Variants in CEP112 observed in about 807,000 individuals in gnomAD.
CEP112 encodes the protein centrosomal protein 112.
Under a neutral mutation model 153.0 loss-of-function variants are expected in CEP112, and 127 were observed. That is an observed-to-expected ratio of 0.83 (90% CI 0.72 to 0.96). CEP112 has a LOEUF of 0.96. CEP112 is among the 40% of genes least tolerant of loss of function. The pLI, the probability that CEP112 is intolerant of heterozygous loss-of-function variation, is 0.00. For synonymous variants in CEP112, 358 were observed against 374.4 expected (o/e 0.96, Z 0.51); for missense variants, 1,089 against 1,101.2 (o/e 0.99, Z 0.16).
In CEP112 at chr17:65,841,375, T is replaced by A. The variant is rs79378170; in HGVS notation, c.2394+10429A>T. 8.9e-3 allele frequency among the ~76,000 whole-genome samples: 1,350 copies of A among 152,232 alleles called. 15 individuals carry two copies. The highest frequency in any genetic ancestry group is 0.031 in the African/African-American group (1,281 of 41,576). On this transcript the variant is annotated intron_variant, in intron 21 of 26. Coordinates refer to ENST00000535342, the MANE Select transcript of CEP112 (RefSeq NM_001199165.4). ...ACATGGATAGAATTAGATGTCATTA[T>A]GTTAAGTGAATTAAGCCAGGCACAG...
intron 6 of CEP112, among the ~76,000 whole-genome samples, chr17:66,110,967 G>C (rs1484999530): frequency 2.0e-5 from 3 of 151,984 alleles, no homozygotes; most frequent in Non-Finnish European, 4.4e-5. Flanking sequence ...CATCTGACTA[G>C]GGTCTAATAT....
chr17:66,021,615 G>C (rs1472415084), intron 16 of CEP112, among the ~76,000 whole-genome samples: 1 of 152,148 alleles, frequency 6.6e-6, no homozygotes, highest in Non-Finnish European at 1.5e-5. Context: ...AGGCATGTGG[G>C]ACACCCATCA....
At chr17:65,703,502 C>A (rs1027245771) in intron 23 of CEP112, among the ~76,000 whole-genome samples, 2 of 132,788 alleles carry the variant, frequency 1.5e-5, no homozygotes, top group Admixed American at 1.6e-4. Context: ...CAGAGTGAGA[C>A]TCCATCTCAA....
intron 10 of CEP112, among the ~76,000 whole-genome samples, chr17:66,066,539 C>A (rs1377398555): frequency 6.6e-6 from 1 of 150,840 alleles, no homozygotes; most frequent in Non-Finnish European, 1.5e-5. Flanking sequence ...AACCAACCAC[C>A]AGTACTACTC....
intron 21 of CEP112, among the ~76,000 whole-genome samples, chr17:65,794,243 C>T (rs1355836176): frequency 6.6e-6 from 1 of 152,140 alleles, no homozygotes; most frequent in Admixed American, 6.5e-5. Context: ...TCTTTGTACG[C>T]ATCCCCATGA....
At chr17:66,119,107 A>C (rs1416330377) in intron 6 of CEP112, among the ~76,000 whole-genome samples, 1 of 152,114 alleles carries the variant, frequency 6.6e-6, no homozygotes, top group Non-Finnish European at 1.5e-5. Flanking sequence ...AAAACCAACC[A>C]CCACACGTTC....
At position 66,111,463 on chromosome 17, in the gene CEP112, C is replaced by G. The variant is rs1323159193; in HGVS notation, c.643-14831G>C. Among the ~76,000 whole-genome samples the G allele has an allele frequency of 2.0e-5, 3 of 152,118 alleles. No individual in the cohort carries two copies. In the East Asian group the frequency reaches 5.8e-4, roughly 29 times the overall value. On this transcript the variant is annotated intron_variant, in intron 6 of 26. Transcript: ENST00000535342. ...ACATCGAATCAACCTAAATGCCCACCAATGACGGATTGGATAAAGAAAATA... is the reference window on the plus strand; with the variant it reads ...ACATCGAATCAACCTAAATGCCCACGAATGACGGATTGGATAAAGAAAATA...
At chr17:65,976,921 T>C (rs779540258) in intron 17 of CEP112, among the ~76,000 whole-genome samples, 36 of 151,960 alleles carry the variant, frequency 2.4e-4, no homozygotes, top group Non-Finnish European at 5.0e-4. Context: ...GTATTTTTAG[T>C]AGAAACAGGG....
intron 20 of CEP112, among the ~76,000 whole-genome samples, chr17:65,865,090 G>A (rs1351773153): frequency 6.6e-6 from 1 of 151,984 alleles, no homozygotes; most frequent in Non-Finnish European, 1.5e-5. Flanking sequence ...TGCCCAGGCT[G>A]GAGTGCAGTG....
At chr17:65,685,516 G>A (rs1218266570) in intron 24 of CEP112, among the ~76,000 whole-genome samples, 2 of 152,086 alleles carry the variant, frequency 1.3e-5, no homozygotes, top group South Asian at 2.1e-4. Flanking sequence ...TTAGTTGTTC[G>A]ATTGGCTGAT....
chr17:65,712,378 A>T (rs1369201004), intron 23 of CEP112, among the ~76,000 whole-genome samples: 1 of 151,462 alleles, frequency 6.6e-6, no homozygotes, highest in Non-Finnish European at 1.5e-5. Flanking sequence ...CTTCTTTTAG[A>T]TCTCTAAGGA....
intron 11 of CEP112, among the ~76,000 whole-genome samples, chr17:66,057,406 A>ATCTCCATGGGATAGGTAT (rs2066737237): frequency 6.6e-6 from 1 of 152,190 alleles, no homozygotes; most frequent in Non-Finnish European, 1.5e-5. Context: ...TGGGATAGGC[A>ATCTCCATGGGATAGGTAT]TCTCCATGGG....
chr17:65,768,218 G>A (rs6504350), intron 21 of CEP112, among the ~76,000 whole-genome samples: 72,864 of 151,762 alleles, frequency 0.48, 19,153 homozygotes, highest in East Asian at 0.78. Flanking sequence ...AGTAAGCTAG[G>A]GAAAACAAAA....
intron 21 of CEP112, among the ~76,000 whole-genome samples, chr17:65,796,517 A>G (rs1462200524): frequency 1.3e-5 from 2 of 152,182 alleles, no homozygotes; most frequent in African/African-American, 4.8e-5. Context: ...CGTAGAAATC[A>G]GATACTAAAC....
chr17:65,923,667 T>C (rs2060814140), intron 19 of CEP112, among the ~76,000 whole-genome samples: 3 of 152,342 alleles, frequency 2.0e-5, no homozygotes, highest in Non-Finnish European at 2.9e-5. Flanking sequence ...ATTATGAAAT[T>C]TGAAGTAAAA....
At chr17:65,705,815 T>C (rs531139223) in intron 23 of CEP112, among the ~76,000 whole-genome samples, 3 of 152,188 alleles carry the variant, frequency 2.0e-5, no homozygotes, top group Non-Finnish European at 4.4e-5. Flanking sequence ...CATTTTAAAG[T>C]TAATTTGGGA....
In CEP112 at chr17:66,021,047, A is replaced by G. The variant is rs1193498866; in HGVS notation, c.1656+6454T>C. Among the ~76,000 whole-genome samples the G allele has an allele frequency of 6.6e-5, 10 of 152,214 alleles. No individual in the cohort carries two copies. In the East Asian group the frequency reaches 1.9e-3, roughly 29 times the overall value. The stretch of plus-strand genomic sequence containing the variant: ...ATGTCCCTCTGCAATCTACCTGTCT[A>G]CTGAGGAACTGTGCAACCTAGGCCA... On this transcript the variant is annotated intron_variant, in intron 16 of 26. Coordinates refer to ENST00000535342, the MANE Select transcript of CEP112 (RefSeq NM_001199165.4).
intron 4 of CEP112, among the ~76,000 whole-genome samples, chr17:66,146,864 A>G (rs1045909870): frequency 6.6e-6 from 1 of 152,130 alleles, no homozygotes; most frequent in Non-Finnish European, 1.5e-5. Flanking sequence ...AGGGCTGAAT[A>G]TTATTCATTC....
intron 20 of CEP112, among the ~76,000 whole-genome samples, chr17:65,854,970 A>C (rs997009434): frequency 6.6e-5 from 10 of 152,180 alleles, no homozygotes; most frequent in Admixed American, 2.6e-4. Flanking sequence ...TTTAAAAAAA[A>C]GCTCAGGGAT....
Sources: gnomAD v4.1 joint callset for allele counts (sites outside exome capture counted in the v4.1 genomes callset) on GRCh38, gnomAD v4.1.1 for gene constraint, MANE v1.5 for transcripts, NCBI Gene and HGNC (gene_info 2026-07-23, HGNC 2026-07-21) for gene names.